ST6GALNAC3: variants seen among roughly 807,000 people sequenced by gnomAD.
The protein encoded by ST6GALNAC3 is ST6 N-acetylgalactosaminide alpha-2,6-sialyltransferase 3, also known as alpha-N-acetylgalactosaminide alpha-2,6-sialyltransferase 3.
In ST6GALNAC3, 25 loss-of-function variants were observed where a neutral mutation model predicts 32.7. The ratio of observed to expected loss-of-function variants is 0.76; its 90% CI spans 0.56 to 1.07. The LOEUF is 1.07. ST6GALNAC3 is among the 50% of genes least tolerant of loss of function. ST6GALNAC3 has a pLI of 0.00. For missense variants in ST6GALNAC3, 355 were observed against 382.4 expected (o/e 0.93, Z 0.60); for synonymous variants, 129 against 133.1 (o/e 0.97, Z 0.21).
At chr1:76,494,894 G>T (rs1660758528) in intron 3 of ST6GALNAC3, among the ~76,000 whole-genome samples, 1 of 152,004 alleles carries the variant, frequency 6.6e-6, no homozygotes, top group South Asian at 2.1e-4. Flanking sequence ...CCATTTGAAG[G>T]CTGGCAGGCT....
chr1:76,075,157 G>T (rs1031450951), intron 1 of ST6GALNAC3, among the ~76,000 whole-genome samples: 1 of 152,222 alleles, frequency 6.6e-6, no homozygotes, highest in Admixed American at 6.5e-5. Flanking sequence ...GCTGTGTGCC[G>T]AATAATGGGG....
intron 2 of ST6GALNAC3, among the ~76,000 whole-genome samples, chr1:76,352,861 A>G (rs190462521): frequency 3.0e-4 from 45 of 152,154 alleles, no homozygotes; most frequent in Non-Finnish European, 5.1e-4. Flanking sequence ...CATTCTAGAC[A>G]TTTCTCTGTC....
chr1:76,347,188 G>A (rs757640439), intron 2 of ST6GALNAC3, among the ~76,000 whole-genome samples: 9 of 152,126 alleles, frequency 5.9e-5, no homozygotes, highest in African/African-American at 7.2e-5. Flanking sequence ...TTAATAAGAT[G>A]CAAATCACTG....
At chr1:76,277,682 C>A (rs1023327493) in intron 1 of ST6GALNAC3, among the ~76,000 whole-genome samples, 1 of 150,912 alleles carries the variant, frequency 6.6e-6, no homozygotes, top group Non-Finnish European at 1.5e-5. Context: ...ACATATATGT[C>A]TTTAACTTAA....
chr1:76,296,700 T>C (rs539549052), intron 1 of ST6GALNAC3, among the ~76,000 whole-genome samples: 1 of 152,228 alleles, frequency 6.6e-6, no homozygotes, highest in Admixed American at 6.5e-5. Context: ...TATACTGGGA[T>C]GACATAGTGG....
intron 2 of ST6GALNAC3, among the ~76,000 whole-genome samples, chr1:76,329,650 G>A (rs140860615): frequency 1.3e-5 from 2 of 152,108 alleles, no homozygotes; most frequent in Non-Finnish European, 1.5e-5. Context: ...TCTCTCATGA[G>A]TCCTTTTAAC....
chr1:76,112,274 C>T (rs1333049280), intron 1 of ST6GALNAC3, among the ~76,000 whole-genome samples: 3 of 136,050 alleles, frequency 2.2e-5, no homozygotes, highest in African/African-American at 5.7e-5. Context: ...CTGGACAGGG[C>T]GGCTGGCCGG....
chr1:76,139,452 A>T (rs1279676436), intron 1 of ST6GALNAC3, among the ~76,000 whole-genome samples: 1 of 152,208 alleles, frequency 6.6e-6, no homozygotes, highest in South Asian at 2.1e-4. Context: ...TTTCTTGGGA[A>T]GAAATGCTCA....
chr1:76,161,961 A>T (rs1651838468), intron 1 of ST6GALNAC3, among the ~76,000 whole-genome samples: 2 of 152,356 alleles, frequency 1.3e-5, no homozygotes, highest in African/African-American at 4.8e-5. Context: ...GGTCATAAAA[A>T]GTTGGAAATC....
At chr1:76,416,667 A>C (rs1352205263) in intron 3 of ST6GALNAC3, among the ~76,000 whole-genome samples, 1 of 123,358 alleles carries the variant, frequency 8.1e-6, no homozygotes. Flanking sequence ...TCACTCTGTC[A>C]CCCAGGCTGG....
chr1:76,450,221 T>C lies in ST6GALNAC3; in HGVS notation c.623+37804T>C, dbSNP rs544372024. ...GTAGAAGTGTTCCCTTTTCACCATA[T>C]CCATGCCAACATCTACTATTTTTTG... On this transcript the variant is annotated intron_variant, in intron 3 of 4. Transcript: ENST00000328299. Among the ~76,000 whole-genome samples the C allele has an allele frequency of 8.5e-5, 13 of 152,288 alleles. No homozygotes were observed. The South Asian group carries it at 1.2e-3, about 15-fold the overall frequency.
intron 3 of ST6GALNAC3, among the ~76,000 whole-genome samples, chr1:76,592,811 G>A (rs1419522307): frequency 6.6e-6 from 1 of 152,174 alleles, no homozygotes; most frequent in African/African-American, 2.4e-5. Context: ...TAAATGCCAA[G>A]AGACATCTTG....
chr1:76,527,431 T>G (rs1367611472), intron 3 of ST6GALNAC3, among the ~76,000 whole-genome samples: 4 of 152,104 alleles, frequency 2.6e-5, no homozygotes, highest in African/African-American at 9.7e-5. Flanking sequence ...ATTGTGTCCA[T>G]GAAATAAGTG....
chr1:76,209,889 C>G (rs1466409448), intron 1 of ST6GALNAC3, among the ~76,000 whole-genome samples: 1 of 151,814 alleles, frequency 6.6e-6, no homozygotes, highest in Non-Finnish European at 1.5e-5. Context: ...TATTTTGGCT[C>G]CTGGCTTTGA....
At chr1:76,484,479 A>C (rs1659961047) in intron 3 of ST6GALNAC3, among the ~76,000 whole-genome samples, 1 of 152,076 alleles carries the variant, frequency 6.6e-6, no homozygotes, top group South Asian at 2.1e-4. Context: ...ATTCTCTTTG[A>C]AGCAATTGTG....
At chr1:76,411,805 C>T (rs907912553) in intron 2 of ST6GALNAC3, among the ~76,000 whole-genome samples, 9 of 151,972 alleles carry the variant, frequency 5.9e-5, no homozygotes, top group South Asian at 2.1e-4. Context: ...TATTTTTTGA[C>T]GGTATACTTT....
chr1:76,464,386 G>T (rs1381522043), intron 3 of ST6GALNAC3, among the ~76,000 whole-genome samples: 2 of 152,150 alleles, frequency 1.3e-5, no homozygotes, highest in Non-Finnish European at 2.9e-5. Context: ...ATAACTGTGG[G>T]TGATGTTGAT....
At chr1:76,168,695 G>T (rs1356786186) in intron 1 of ST6GALNAC3, among the ~76,000 whole-genome samples, 3 of 152,126 alleles carry the variant, frequency 2.0e-5, no homozygotes, top group Non-Finnish European at 4.4e-5. Context: ...TCTTCTTGTT[G>T]AATTGAACCC....
At chr1:76,499,155 G>A (rs770181809) in intron 3 of ST6GALNAC3, among the ~76,000 whole-genome samples, 9 of 152,118 alleles carry the variant, frequency 5.9e-5, no homozygotes, top group Non-Finnish European at 1.2e-4. Flanking sequence ...TTAAAGAAAT[G>A]CCACTGACTT....
Sources: allele counts gnomAD v4.1 joint callset (sites outside exome capture counted in the v4.1 genomes callset), GRCh38; gene constraint gnomAD v4.1.1; transcripts MANE v1.5; gene names NCBI Gene and HGNC (gene_info 2026-07-23, HGNC 2026-07-21).